Variants in ZHX3 observed in about 807,000 individuals in gnomAD.
ZHX3 encodes zinc fingers and homeoboxes 3, also known as zinc fingers and homeoboxes protein 3.
Under a neutral mutation model 64.5 loss-of-function variants are expected in ZHX3, and 20 were observed. That is an observed-to-expected ratio of 0.31 (90% confidence interval 0.22 to 0.45). ZHX3 has a LOEUF of 0.45. ZHX3 is among the 20% of genes least tolerant of loss of function. The pLI, the probability that ZHX3 is intolerant of heterozygous loss-of-function variation, is 1.00. For missense variants in ZHX3, 1,041 were observed against 1,195.8 expected (o/e 0.87, Z 1.91); for synonymous variants, 423 against 461.6 (o/e 0.92, Z 1.07).
At chr20:41,314,126 C>T (rs911847614) in intron 1 of ZHX3, among the ~76,000 whole-genome samples, 5 of 152,232 alleles carry the variant, frequency 3.3e-5, no homozygotes, top group Non-Finnish European at 2.9e-5. Context: ...GAAAAGCTTA[C>T]GCTCACATTA....
intron 2 of ZHX3, among the ~76,000 whole-genome samples, chr20:41,207,976 T>C (rs575254116): frequency 6.6e-6 from 1 of 150,898 alleles, no homozygotes; most frequent in East Asian, 2.0e-4. Context: ...GAGAGAAGAA[T>C]CAAATAGACA....
intron 1 of ZHX3, among the ~76,000 whole-genome samples, chr20:41,272,584 T>C (rs765725098): frequency 2.0e-5 from 3 of 152,218 alleles, no homozygotes; most frequent in Non-Finnish European, 2.9e-5. Flanking sequence ...TATGTCTCCA[T>C]AAAATTACCT....
Position 41,203,927 on chromosome 20 carries a change from G to A in ZHX3, c.990C>T (p.Thr330=). The part of the protein sequence containing the change: ...KNSFHKFPYP[T]KAELCYLTVV... ...CAGTCAAATAGCAGAGCTCGGCTTT[G>A]GTGGGGTAGGGGAACTTGTGGAAGG... Residue 330 remains threonine (T), a synonymous_variant, in exon 3 of 4, where the codon ACC becomes ACT. Coordinates refer to ENST00000683867, the MANE Select transcript of ZHX3 (RefSeq NM_001384317.1). This position sits in a 1 kb window ranked among gnomAD's most constrained non-coding sequence, Gnocchi z 7.1. The A allele has an allele frequency of 6.2e-7, 1 of 1,614,228 alleles. No individual in the cohort carries two copies. The highest frequency in any genetic ancestry group is 8.5e-7 in the Non-Finnish European group (1 of 1,180,046).
At chr20:41,298,602 C>T (rs919507057) in intron 1 of ZHX3, among the ~76,000 whole-genome samples, 1 of 152,182 alleles carries the variant, frequency 6.6e-6, no homozygotes, top group African/African-American at 2.4e-5. Context: ...GCTAGAAATA[C>T]TTCATTGAAT....
Position 41,204,595 on chromosome 20 carries a change from T to C in ZHX3, c.322A>G (p.Thr108Ala). 1 of 1,614,150 alleles carries C rather than the reference T, an allele frequency of 6.2e-7. No individual in the cohort carries two copies. Among genetic ancestry groups the C allele is most frequent in the South Asian group, 1.1e-5 (1 of 91,084 alleles). Residue 108 changes from threonine to alanine, a missense_variant, in exon 3 of 4, where the codon ACC (threonine) becomes GCC (alanine). Transcript: ENST00000683867. This position sits in a 1 kb window ranked among gnomAD's most constrained non-coding sequence, Gnocchi z 6.6. The part of the protein sequence containing the change: ...SEHTDFNKDP[T>A]FVCSGCSFLA... ...AAACTGCACCCACTGCATACAAAGG[T>C]TGGGTCTTTATTAAAGTCTGTGTGC...
intron 1 of ZHX3, among the ~76,000 whole-genome samples, chr20:41,287,325 T>C (rs2043986549): frequency 6.6e-6 from 1 of 152,202 alleles, no homozygotes; most frequent in African/African-American, 2.4e-5. Flanking sequence ...CTCTATTTTT[T>C]CTTTACAGCA....
At position 41,202,207 on chromosome 20, in the gene ZHX3, G is replaced by A; in HGVS notation, c.2710C>T (p.Pro904Ser). 1 of 1,614,028 alleles carries A rather than the reference G, an allele frequency of 6.2e-7. No homozygotes were observed. Among genetic ancestry groups the A allele is most frequent in the Non-Finnish European group, 8.5e-7 (1 of 1,180,010 alleles). ...ACTGCTGTGAGCTCACCAGTACCAG[G>A]GCCCTGGTCCTCACTGCCTGTGTCT... ...VADTGSEDQGPGTGELTAVHK... is the reference protein window; with the variant it reads ...VADTGSEDQGSGTGELTAVHK... The change falls in exon 3 of 4, where the codon CCT (proline) becomes TCT (serine). Residue 904 changes from proline (P) to serine (S), a missense_variant. This residue lies in a region of ZHX3 where 649 missense variants were observed against 739.8 expected (regional missense o/e 0.88). Transcript: ENST00000683867. The surrounding 1 kb of genome is among the most constrained non-coding windows in gnomAD (Gnocchi z 7.0).
chr20:41,281,970 G>C (rs923100572), intron 1 of ZHX3, among the ~76,000 whole-genome samples: 2 of 152,182 alleles, frequency 1.3e-5, no homozygotes, highest in African/African-American at 2.4e-5. Flanking sequence ...TTAGGGTGCT[G>C]GCAGGGAAGA....
rs745640095 is a variant in ZHX3, at chr20:41,204,705, G to A, written c.212C>T (p.Thr71Ile). ...GSTLANGHRS[T>I]LDGYLYSCKY... is the part of the protein sequence containing the mutation. ...ACAGGAATATAAATAGCCATCTAAA[G>A]TGCTCCGATGCCCATTGGCCAGTGT... Residue 71 changes from threonine (T) to isoleucine (I), a missense_variant, in exon 3 of 4, where the codon ACT becomes ATT. Around this residue, in one of 4 missense-constraint regions of ZHX3, gnomAD observed 358 missense variants for 369.1 expected, o/e 0.97. Coordinates refer to ENST00000683867, the MANE Select transcript of ZHX3 (RefSeq NM_001384317.1). The surrounding 1 kb of genome is among the most constrained non-coding windows in gnomAD (Gnocchi z 6.6). 6.8e-6 allele frequency: 11 copies of A among 1,614,144 alleles called. No individual in the cohort carries two copies. The highest frequency in any genetic ancestry group is 6.7e-5 in the East Asian group (3 of 44,902).
At position 41,224,747 on chromosome 20, in the gene ZHX3, G is replaced by A. The variant is rs1051305524; in HGVS notation, c.-150-19681C>T. On this transcript the variant is annotated intron_variant, in intron 2 of 3. Coordinates refer to ENST00000683867, the MANE Select transcript of ZHX3 (RefSeq NM_001384317.1). This position sits in a 1 kb window ranked among gnomAD's most constrained non-coding sequence, Gnocchi z 5.2. ...TATAATTCCAACAGAGGACTTCTGA[G>A]CTATCTTCCCCTTTGCCTCTTTGAA... is the stretch of plus-strand genomic sequence containing the variant. 2.6e-5 allele frequency among the ~76,000 whole-genome samples: 4 copies of A among 152,210 alleles called. No homozygotes were observed. Among genetic ancestry groups the A allele is most frequent in the Admixed American group, 2.6e-4 (4 of 15,284 alleles).
chr20:41,283,976 A>T (rs1179401633), intron 1 of ZHX3, among the ~76,000 whole-genome samples: 4 of 152,200 alleles, frequency 2.6e-5, no homozygotes, highest in African/African-American at 9.7e-5. Context: ...GGGTACAAGT[A>T]TTAATATATA....
rs1309776389 is a variant in ZHX3, at chr20:41,237,313, T to C, written c.-151+31677A>G. 2.0e-5 allele frequency among the ~76,000 whole-genome samples: 3 copies of C among 152,178 alleles called. 1 individual carries two copies. The highest frequency in any genetic ancestry group is 2.0e-4 in the Admixed American group (3 of 15,268). On this transcript the variant is annotated intron_variant, in intron 2 of 3. Coordinates refer to ENST00000683867, the MANE Select transcript of ZHX3 (RefSeq NM_001384317.1). ...ATGCTGCTATAAAGACACATGCACATGTATGTTTATTGCGGCACTATTCAC... is the reference window on the plus strand; with the variant it reads ...ATGCTGCTATAAAGACACATGCACACGTATGTTTATTGCGGCACTATTCAC...
chr20:41,192,173 G>A (rs879645682), intron 3 of ZHX3, among the ~76,000 whole-genome samples: 2 of 152,172 alleles, frequency 1.3e-5, no homozygotes, highest in African/African-American at 4.8e-5. Flanking sequence ...AGGCCCACAA[G>A]TGGTACATAC....
Position 41,201,473 on chromosome 20 carries a change from T to C in ZHX3, c.2860+584A>G. ...ATAATCTTCTATGATACATTTTGCT[T>C]TCGAGTACAATCCAGAGAAACTGAG... On this transcript the variant is annotated intron_variant, in intron 3 of 3. Coordinates refer to ENST00000683867, the MANE Select transcript of ZHX3 (RefSeq NM_001384317.1). The surrounding 1 kb of genome is among the most constrained non-coding windows in gnomAD (Gnocchi z 5.0). 9.9e-7 allele frequency: 1 copy of C among 1,008,646 alleles called. No homozygotes were observed. The highest frequency in any genetic ancestry group is 1.4e-6 in the Non-Finnish European group (1 of 731,060). The allele number at this position is 1,008,646 out of a possible 1,614,324, so 62.5% of individuals were successfully genotyped here.
intron 2 of ZHX3, among the ~76,000 whole-genome samples, chr20:41,237,831 A>G (rs2041116205): frequency 6.6e-6 from 1 of 152,266 alleles, no homozygotes. Flanking sequence ...GCGGTGATCA[A>G]TATTTATTAA....
At chr20:41,249,674 A>AG (rs760608281) in intron 2 of ZHX3, among the ~76,000 whole-genome samples, 15 of 152,354 alleles carry the variant, frequency 9.8e-5, no homozygotes, top group Non-Finnish European at 1.9e-4. Context: ...AGCATCCAAA[A>AG]GATGAATGGT....
intron 2 of ZHX3, among the ~76,000 whole-genome samples, chr20:41,236,799 C>A (rs574804416): frequency 6.6e-6 from 1 of 152,214 alleles, no homozygotes; most frequent in African/African-American, 2.4e-5. Context: ...TTCTACAAAG[C>A]AAAAGAAACT....
At chr20:41,215,064 G>A (rs2039421989) in intron 2 of ZHX3, among the ~76,000 whole-genome samples, 1 of 152,090 alleles carries the variant, frequency 6.6e-6, no homozygotes, top group Non-Finnish European at 1.5e-5. Flanking sequence ...GACCAGCCTG[G>A]CCAACAACAT....
chr20:41,208,889 G>A (rs2038937911), intron 2 of ZHX3, among the ~76,000 whole-genome samples: 1 of 152,196 alleles, frequency 6.6e-6, no homozygotes, highest in Admixed American at 6.5e-5. Flanking sequence ...TAGGAAAAGA[G>A]CAAGTCAAAT....
Sources: gnomAD v4.1 joint callset for allele counts (sites outside exome capture counted in the v4.1 genomes callset) on GRCh38, gnomAD v4.1.1 for gene constraint, gnomAD v4.1.1 regional missense constraint, Gnocchi (gnomAD v3.1) non-coding constraint, MANE v1.5 for transcripts, NCBI Gene and HGNC (gene_info 2026-07-23, HGNC 2026-07-21) for gene names.